IGFBP7: variants seen among roughly 807,000 people sequenced by gnomAD.
IGFBP7 encodes insulin-like growth factor-binding protein 7.
IGFBP7 carries 31 observed loss-of-function variants against 29.4 expected under a neutral mutation model. The ratio of observed to expected loss-of-function variants is 1.05; its 90% CI spans 0.79 to 1.42. The LOEUF (loss-of-function observed/expected upper bound fraction) is 1.42. Ranked by LOEUF, IGFBP7 falls within the 40% of genes most tolerant of loss-of-function variation. The pLI, the probability that IGFBP7 is intolerant of heterozygous loss-of-function variation, is 0.00. For synonymous variants in IGFBP7, 172 were observed against 174.9 expected (o/e 0.98, Z 0.13); for missense variants, 393 against 395.5 (o/e 0.99, Z 0.05).
chr4:57,071,453 G>A (rs1172717069), intron 1 of IGFBP7, among the ~76,000 whole-genome samples: 1 of 152,134 alleles, frequency 6.6e-6, no homozygotes, highest in Non-Finnish European at 1.5e-5. Flanking sequence ...ACTCAGTCTG[G>A]TATCATAGCT....
intron 1 of IGFBP7, among the ~76,000 whole-genome samples, chr4:57,051,920 T>A (rs927255711): frequency 1.3e-5 from 2 of 152,186 alleles, no homozygotes; most frequent in Non-Finnish European, 2.9e-5. Context: ...GACAGGGACC[T>A]GCCTGAGGAG....
Position 57,100,488 on chromosome 4 carries a change from T to C in IGFBP7, c.475+9389A>G, listed in dbSNP as rs1725870064. ...TTTCACTGAATATAATATGACATTT[T>C]TTAGAAGGCACAGCATATATGTACC... On this transcript the variant is annotated intron_variant, in intron 1 of 4. Transcript: ENST00000295666. Among the ~76,000 whole-genome samples, 6 of 152,248 alleles carry C rather than the reference T, an allele frequency of 3.9e-5. No individual in the cohort carries two copies. The South Asian group carries it at 1.2e-3, about 32-fold the overall frequency.
At chr4:57,058,833 AT>A (rs1464972918) in intron 1 of IGFBP7, among the ~76,000 whole-genome samples, 1 of 152,214 alleles carries the variant, frequency 6.6e-6, no homozygotes, top group African/African-American at 2.4e-5. Context: ...AGGAGAAAAT[AT>A]TTGCAAACTA....
At chr4:57,104,728 CA>C (rs1725981344) in intron 1 of IGFBP7, among the ~76,000 whole-genome samples, 1 of 152,092 alleles carries the variant, frequency 6.6e-6, no homozygotes, top group Admixed American at 6.5e-5. Flanking sequence ...TTTTACTCGG[CA>C]AGGGGATATG....
chr4:57,034,555 TATAAATATA>T (rs1472276533), intron 2 of IGFBP7, among the ~76,000 whole-genome samples: 4 of 151,774 alleles, frequency 2.6e-5, no homozygotes, highest in Non-Finnish European at 5.9e-5. Flanking sequence ...ACACCGTATG[TATAAATATA>T]ATAAATATAT....
Position 57,033,551 on chromosome 4 carries a change from TG to T in IGFBP7, c.586-241del, listed in dbSNP as rs377493954. Among the ~76,000 whole-genome samples, 301 of 152,328 alleles carry T rather than the reference TG, an allele frequency of 2.0e-3. 2 individuals are homozygous for T. The highest frequency in any genetic ancestry group is 7.0e-3 in the African/African-American group (292 of 41,562). ...AAACTAATGTATTTTTCTGCATGCCTGGGGAATATACATGGTCATAATTTCC... is the reference window on the plus strand; with the variant it reads ...AAACTAATGTATTTTTCTGCATGCCTGGGAATATACATGGTCATAATTTCC... On this transcript the variant is annotated intron_variant, in intron 2 of 4. Coordinates refer to ENST00000295666, the MANE Select transcript of IGFBP7 (RefSeq NM_001553.3).
chr4:57,036,710 G>T (rs1210845310), intron 2 of IGFBP7, among the ~76,000 whole-genome samples: 1 of 152,162 alleles, frequency 6.6e-6, no homozygotes, highest in Non-Finnish European at 1.5e-5. Context: ...CCAACCGTAA[G>T]AATTGCCACC....
intron 1 of IGFBP7, among the ~76,000 whole-genome samples, chr4:57,068,165 C>T (rs1718855): frequency 0.41 from 62,095 of 151,662 alleles, 14,412 homozygotes; most frequent in Admixed American, 0.55. Flanking sequence ...ATGTGCATGC[C>T]TATAGTCCTA....
rs928008178 is a variant in IGFBP7, at chr4:57,109,281, A to C, written c.475+596T>G. ...TAAAACAAAACAAAACAAAACAAAA[A>C]ACCAAAAATTGGCCAGGCGTGGTGG... On this transcript the variant is annotated intron_variant, in intron 1 of 4. Coordinates refer to ENST00000295666, the MANE Select transcript of IGFBP7 (RefSeq NM_001553.3). Among the ~76,000 whole-genome samples, 7 of 151,172 alleles carry C rather than the reference A, an allele frequency of 4.6e-5. No individual in the cohort carries two copies. In the South Asian group the frequency reaches 6.2e-4, roughly 13 times the overall value.
At chr4:57,075,603 C>T (rs991659129) in intron 1 of IGFBP7, among the ~76,000 whole-genome samples, 2 of 151,388 alleles carry the variant, frequency 1.3e-5, no homozygotes, top group African/African-American at 4.9e-5. Flanking sequence ...GCAAGGTAAC[C>T]ATAAAACCAT....
chr4:57,043,125 A>G (rs1277273), intron 1 of IGFBP7, among the ~76,000 whole-genome samples: 89,296 of 152,018 alleles, frequency 0.59, 28,355 homozygotes, highest in South Asian at 0.76. Flanking sequence ...GGTAATTAGT[A>G]TGTCACTTCT....
intron 1 of IGFBP7, among the ~76,000 whole-genome samples, chr4:57,068,365 C>T (rs946627168): frequency 2.6e-5 from 4 of 151,788 alleles, no homozygotes; most frequent in Non-Finnish European, 5.9e-5. Flanking sequence ...GGACTGACAT[C>T]ATCAGTTTAC....
chr4:57,037,382 G>GT (rs5858408), intron 2 of IGFBP7, among the ~76,000 whole-genome samples: 116,286 of 148,780 alleles, frequency 0.78, 45,626 homozygotes, highest in African/African-American at 0.85. Context: ...GGGTTTTTTG[G>GT]TTTTTTTTTT....
At chr4:57,042,372 C>G (rs766578317) in intron 1 of IGFBP7, among the ~76,000 whole-genome samples, 2 of 151,980 alleles carry the variant, frequency 1.3e-5, no homozygotes, top group Admixed American at 1.3e-4. Context: ...TTTTTTGAGA[C>G]AGAACCTTAC....
chr4:57,055,917 T>C (rs1310323931), intron 1 of IGFBP7, among the ~76,000 whole-genome samples: 7 of 152,256 alleles, frequency 4.6e-5, no homozygotes, highest in African/African-American at 7.2e-5. Flanking sequence ...TGTGTGCGAA[T>C]AGCCCCCTTC....
At chr4:57,088,134 A>G (rs1291467591) in intron 1 of IGFBP7, among the ~76,000 whole-genome samples, 1 of 42,722 alleles carries the variant, frequency 2.3e-5, no homozygotes, top group Non-Finnish European at 5.3e-5. Context: ...ACACCTGGCT[A>G]ATCTTTTGTT....
chr4:57,043,539 C>G (rs1164133378), intron 1 of IGFBP7, among the ~76,000 whole-genome samples: 1 of 152,154 alleles, frequency 6.6e-6, no homozygotes, highest in Admixed American at 6.5e-5. Context: ...GGAAATGACC[C>G]CAGTGTGCAA....
intron 1 of IGFBP7, among the ~76,000 whole-genome samples, chr4:57,069,853 C>A (rs1431132402): frequency 1.3e-5 from 2 of 152,152 alleles, no homozygotes; most frequent in African/African-American, 4.8e-5. Context: ...GAGGCCGAGG[C>A]AGGTGAATCA....
intron 1 of IGFBP7, among the ~76,000 whole-genome samples, chr4:57,087,795 T>A (rs1260550113): frequency 1.3e-5 from 2 of 152,204 alleles, no homozygotes; most frequent in African/African-American, 4.8e-5. Context: ...CTTGCTCCAT[T>A]TCACAGGTGA....
Sources: allele counts gnomAD v4.1 joint callset (sites outside exome capture counted in the v4.1 genomes callset), GRCh38; gene constraint gnomAD v4.1.1; transcripts MANE v1.5; gene names NCBI Gene and HGNC (gene_info 2026-07-23, HGNC 2026-07-21).